Variants in LRRC28 observed in about 807,000 individuals in gnomAD.
LRRC28 encodes leucine rich repeat containing 28.
Under a neutral mutation model 45.7 loss-of-function variants are expected in LRRC28, and 39 were observed. The observed-to-expected ratio is 0.85, with a 90% CI of 0.66 to 1.12. LRRC28 has a LOEUF of 1.12. LRRC28 is among the 50% of genes most tolerant of loss of function. The pLI, the probability that LRRC28 is intolerant of heterozygous loss-of-function variation, is 0.00. For synonymous variants in LRRC28, 206 were observed against 178.8 expected (o/e 1.15, Z -1.22); for missense variants, 435 against 438.5 (o/e 0.99, Z 0.07).
chr15:99,341,652 G>GCC (rs1174640883), intron 6 of LRRC28, among the ~76,000 whole-genome samples: 1 of 152,162 alleles, frequency 6.6e-6, no homozygotes, highest in Non-Finnish European at 1.5e-5. Flanking sequence ...AAGAAAGTGA[G>GCC]CCCTGTTCTC....
At chr15:99,276,862 T>TG (rs2081630688) in intron 3 of LRRC28, among the ~76,000 whole-genome samples, 1 of 152,210 alleles carries the variant, frequency 6.6e-6, no homozygotes, top group African/African-American at 2.4e-5. Flanking sequence ...GCCTTTTCTC[T>TG]GGGTATAGTG....
rs560917187 is a variant in LRRC28 at position 99,360,692 on chromosome 15, G to A, written c.696-644G>A. ...ATTGAGGCTCTTAGGTTACCCAATG[G>A]TTTCACACAAGAAATAGAATGAGAT... is the stretch of plus-strand genomic sequence containing the variant. On this transcript the variant is annotated intron_variant, in intron 7 of 9. Coordinates refer to ENST00000301981, the MANE Select transcript of LRRC28 (RefSeq NM_144598.5). Among the ~76,000 whole-genome samples, 8 of 152,268 alleles carry A rather than the reference G, an allele frequency of 5.3e-5. 1 individual carries two copies. In the South Asian group the frequency reaches 6.2e-4, roughly 12 times the overall value.
intron 9 of LRRC28, among the ~76,000 whole-genome samples, chr15:99,381,343 A>G (rs1209159654): frequency 6.6e-6 from 1 of 152,026 alleles, no homozygotes; most frequent in East Asian, 1.9e-4. Flanking sequence ...AAGCTTGTGC[A>G]TTTGTCATGT....
intron 5 of LRRC28, among the ~76,000 whole-genome samples, chr15:99,311,226 G>A (rs552251967): frequency 2.6e-5 from 4 of 152,328 alleles, no homozygotes; most frequent in South Asian, 4.1e-4. Flanking sequence ...AACCTGGCAC[G>A]TGAGGTCAGG....
chr15:99,290,706 T>C (rs896479440), intron 5 of LRRC28, among the ~76,000 whole-genome samples: 1 of 152,024 alleles, frequency 6.6e-6, no homozygotes, highest in African/African-American at 2.4e-5. Context: ...TCCCACCACT[T>C]TGGGAAGCTG....
At chr15:99,376,454 AG>A (rs1250108768) in intron 9 of LRRC28, among the ~76,000 whole-genome samples, 1 of 152,158 alleles carries the variant, frequency 6.6e-6, no homozygotes, top group Middle Eastern at 3.2e-3. Flanking sequence ...ATGTGTGTTT[AG>A]TACTGTAAGT....
At chr15:99,296,371 G>T (rs990929649) in intron 5 of LRRC28, among the ~76,000 whole-genome samples, 2 of 152,192 alleles carry the variant, frequency 1.3e-5, no homozygotes, top group Non-Finnish European at 1.5e-5. Context: ...CTCAAAACAC[G>T]CAGTGTGTTA....
chr15:99,343,172 T>C (rs1275072468), intron 6 of LRRC28, among the ~76,000 whole-genome samples: 1 of 152,266 alleles, frequency 6.6e-6, no homozygotes, highest in Non-Finnish European at 1.5e-5. Context: ...GCATTCCAAA[T>C]AATTTATTTT....
chr15:99,276,628 T>C lies in LRRC28; in HGVS notation c.209+12T>C. On this transcript the variant is annotated intron_variant, in intron 3 of 9. Transcript: ENST00000301981. ...AACCTTGTGGAACTGTGAGTCTGTT[T>C]ATTCAAATTTTTTAAAGACAAGAAT... is the stretch of plus-strand genomic sequence containing the variant. 4 of 1,511,024 alleles carry C rather than the reference T, an allele frequency of 2.6e-6. No individual in the cohort carries two copies. Among genetic ancestry groups the C allele is most frequent in the East Asian group, 2.4e-5 (1 of 41,440 alleles). 93.6% of individuals were successfully genotyped at this position (1,511,024 alleles called of 1,614,324 possible).
At chr15:99,363,319 TGGGGAGG>T in intron 9 of LRRC28, 54 bp downstream of exon 9, 1 of 1,594,108 alleles carries the variant, frequency 6.3e-7, no homozygotes, top group Non-Finnish European at 8.6e-7. Context: ...GGGTGGCAGG[TGGGGAGG>T]GGAGAGGCTG....
At chr15:99,266,007 A>C (rs907931374) in intron 2 of LRRC28, among the ~76,000 whole-genome samples, 8 of 152,224 alleles carry the variant, frequency 5.3e-5, no homozygotes, top group African/African-American at 1.9e-4. Flanking sequence ...GACAAAAAAG[A>C]GGTATCCAAA....
rs200989896 is a variant in LRRC28, at chr15:99,319,816, A to AT, written c.386-14104dup. ...GGAACATTTTATTTTATTTTATTTT[A>AT]TTTATTTTTTATTTTATTTGAGACA... On this transcript the variant is annotated intron_variant, in intron 5 of 9. Transcript: ENST00000301981. 6.8e-3 allele frequency among the ~76,000 whole-genome samples: 1,025 copies of AT among 151,708 alleles called. 16 individuals carry two copies. Among genetic ancestry groups the AT allele is most frequent in the African/African-American group, 0.023 (965 of 41,426 alleles).
At chr15:99,310,560 A>G (rs1325303046) in intron 5 of LRRC28, among the ~76,000 whole-genome samples, 1 of 152,230 alleles carries the variant, frequency 6.6e-6, no homozygotes, top group African/African-American at 2.4e-5. Flanking sequence ...CCCTCTCCTT[A>G]TAATGTAATC....
intron 2 of LRRC28, among the ~76,000 whole-genome samples, chr15:99,273,228 G>GT (rs202131176): frequency 0.084 from 12,632 of 150,902 alleles, 568 homozygotes; most frequent in African/African-American, 0.11. Context: ...TGTGTGGTGT[G>GT]TTTTTTTTTG....
chr15:99,383,438 G>A (rs141733508), intron 9 of LRRC28, among the ~76,000 whole-genome samples: 578 of 152,266 alleles, frequency 3.8e-3, no homozygotes, highest in African/African-American at 0.013. Flanking sequence ...GTGGAGGGGG[G>A]AAGACCTGGG....
At position 99,259,232 on chromosome 15, in the gene LRRC28, C is replaced by G. The variant is rs879253598; in HGVS notation, c.168+3107C>G. On this transcript the variant is annotated intron_variant, in intron 2 of 9. Transcript: ENST00000301981. Reference sequence around the variant, plus strand: ...GAAGGAAAAACAAGACAAAATCTGCCTCATGGCTGGGTCCAGCAGAAAAGA... The same window carrying G: ...GAAGGAAAAACAAGACAAAATCTGCGTCATGGCTGGGTCCAGCAGAAAAGA... The G allele has an allele frequency of 9.5e-6, 10 of 1,054,802 alleles. No individual in the cohort carries two copies. In the African/African-American group the frequency reaches 1.1e-4, roughly 12 times the overall value. 65.3% of individuals were successfully genotyped at this position (1,054,802 alleles called of 1,614,324 possible).
rs563579789 is a variant in LRRC28 at position 99,387,076 on chromosome 15, G to A, written c.*974G>A. ...CCACTACTGGTTTTTTTTTGTTGTT[G>A]TTGAGACGGAGTCTCGCTCTGTCGC... On this transcript the variant is annotated 3_prime_UTR_variant, in exon 10 of 10. Transcript: ENST00000301981. The A allele has an allele frequency of 5.3e-5, 8 of 151,182 alleles. No homozygotes were observed. Among genetic ancestry groups the A allele is most frequent in the African/African-American group, 1.2e-4 (5 of 41,046 alleles). 9.4% of individuals were successfully genotyped at this position (151,182 alleles called of 1,614,324 possible). A position where few individuals can be genotyped will look rare whatever the true frequency, so the allele number is the denominator to read the frequency against.
At chr15:99,364,916 A>C (rs963445792) in intron 9 of LRRC28, among the ~76,000 whole-genome samples, 1 of 152,200 alleles carries the variant, frequency 6.6e-6, no homozygotes, top group Non-Finnish European at 1.5e-5. Context: ...GCAAGATATC[A>C]TCACAGGAAA....
At chr15:99,327,416 G>A (rs1184565959) in intron 5 of LRRC28, among the ~76,000 whole-genome samples, 1 of 152,108 alleles carries the variant, frequency 6.6e-6, no homozygotes, top group Non-Finnish European at 1.5e-5. Context: ...GATTTTTATT[G>A]ACTTCTTGAA....
Sources: gnomAD v4.1 joint callset for allele counts (sites outside exome capture counted in the v4.1 genomes callset) on GRCh38, gnomAD v4.1.1 for gene constraint, MANE v1.5 for transcripts, NCBI Gene and HGNC (gene_info 2026-07-23, HGNC 2026-07-21) for gene names.